Variants in PPM1A observed in about 807,000 individuals in gnomAD.
PPM1A encodes the protein protein phosphatase 1A.
A neutral mutation model predicts 35.0 loss-of-function variants in PPM1A; 7 were observed. That is an observed-to-expected ratio of 0.20 (90% CI 0.11 to 0.38). PPM1A has a LOEUF of 0.38. PPM1A is among the 10% of genes least tolerant of loss of function. PPM1A has a pLI of 1.00. For missense variants in PPM1A, 239 were observed against 467.8 expected (o/e 0.51, Z 4.51); for synonymous variants, 153 against 167.3 (o/e 0.91, Z 0.66).
In PPM1A at chr14:60,257,388, T is replaced by A. The variant is rs542672638; in HGVS notation, c.-21+7711T>A. 2.6e-5 allele frequency among the ~76,000 whole-genome samples: 4 copies of A among 152,320 alleles called. No homozygotes were observed. In the East Asian group the frequency reaches 5.8e-4, roughly 22 times the overall value. On this transcript the variant is annotated intron_variant, in intron 1 of 5. Coordinates refer to ENST00000395076, the MANE Select transcript of PPM1A (RefSeq NM_021003.5). Reference sequence around the variant, plus strand: ...GACTGTTAAATTTTTATAGTCTCCCTGTTCATTTTCTGATGAACACATGAC... The same window carrying A: ...GACTGTTAAATTTTTATAGTCTCCCAGTTCATTTTCTGATGAACACATGAC...
At chr14:60,277,926 C>G (rs531138020) in intron 1 of PPM1A, among the ~76,000 whole-genome samples, 18 of 152,158 alleles carry the variant, frequency 1.2e-4, no homozygotes, top group Admixed American at 5.2e-4. Flanking sequence ...ACCTTGCTCC[C>G]TCATCCTAGT....
In PPM1A at chr14:60,294,025, T is replaced by C. The variant is rs190448443; in HGVS notation, c.*1543T>C. ...TAGGCAGATTCCCACTAGAAAACTG[T>C]TGAAATGTAAGACTAAAATACAACA... On this transcript the variant is annotated 3_prime_UTR_variant, in exon 6 of 6. Transcript: ENST00000395076. The C allele has an allele frequency of 2.6e-4, 40 of 152,022 alleles. No individual in the cohort carries two copies. Among genetic ancestry groups the C allele is most frequent in the African/African-American group, 8.7e-4 (36 of 41,524 alleles). The allele number at this position is 152,022 out of a possible 1,614,324, so 9.4% of individuals were successfully genotyped here.
Position 60,255,711 on chromosome 14 carries a change from C to G in PPM1A, c.-21+6034C>G, listed in dbSNP as rs149463633. Among the ~76,000 whole-genome samples the G allele has an allele frequency of 5.7e-3, 864 of 152,262 alleles. 8 individuals carry two copies. The highest frequency in any genetic ancestry group is 0.02 in the African/African-American group (836 of 41,546). ...TTTATCGTAGCAGACGTTTCTGACT[C>G]TCTTCCTGAATGTTATTTTTTCTGA... is the stretch of plus-strand genomic sequence containing the variant. On this transcript the variant is annotated intron_variant, in intron 1 of 5. Transcript: ENST00000395076.
intron 3 of PPM1A, chr14:60,288,591 GTTT>G: frequency 2.5e-6 from 2 of 799,498 alleles, no homozygotes; most frequent in Non-Finnish European, 3.0e-6. Context: ...ATTTAAGACT[GTTT>G]TTTTTTTTAA....
intron 1 of PPM1A, among the ~76,000 whole-genome samples, chr14:60,258,881 A>T (rs1405690661): frequency 6.6e-6 from 1 of 152,096 alleles, no homozygotes; most frequent in African/African-American, 2.4e-5. Flanking sequence ...CTAAAGTGAG[A>T]GATAATTCAC....
intron 1 of PPM1A, among the ~76,000 whole-genome samples, chr14:60,277,669 C>T (rs751754879): frequency 2.0e-5 from 3 of 151,980 alleles, no homozygotes; most frequent in Non-Finnish European, 4.4e-5. Context: ...GAGTGAGGTC[C>T]CTGCTAGTTG....
At chr14:60,275,385 C>T (rs1729426327) in intron 1 of PPM1A, among the ~76,000 whole-genome samples, 2 of 152,016 alleles carry the variant, frequency 1.3e-5, no homozygotes, top group South Asian at 4.1e-4. Context: ...TGCACCTTCT[C>T]ATTTGTAAAA....
In PPM1A at chr14:60,283,852, C is replaced by T. The variant is rs1048305627; in HGVS notation, c.834+315C>T. ...AAGAAAGAGGGTGGGGAGGGTTAGG[C>T]CTCAGTGTCTATAAATGAAAAGCAT... On this transcript the variant is annotated intron_variant, in intron 2 of 5. Transcript: ENST00000395076. This position sits in a 1 kb window ranked among gnomAD's most constrained non-coding sequence, Gnocchi z 6.3. 6.6e-6 allele frequency among the ~76,000 whole-genome samples: 1 copy of T among 152,114 alleles called. No individual in the cohort carries two copies. Among genetic ancestry groups the T allele is most frequent in the Non-Finnish European group, 1.5e-5 (1 of 68,020 alleles).
intron 1 of PPM1A, among the ~76,000 whole-genome samples, chr14:60,253,361 A>G (rs571459754): frequency 5.3e-5 from 8 of 152,118 alleles, no homozygotes; most frequent in Non-Finnish European, 1.2e-4. Flanking sequence ...TTTTGCCATA[A>G]CCCTCTAAAA....
chr14:60,259,744 T>G (rs1883532891), intron 1 of PPM1A, among the ~76,000 whole-genome samples: 1 of 152,110 alleles, frequency 6.6e-6, no homozygotes, highest in East Asian at 1.9e-4. Context: ...CTTTTTAGTA[T>G]TTTGCTTGTA....
chr14:60,249,830 C>T lies in PPM1A; in HGVS notation c.-21+153C>T, dbSNP rs1375056004. On this transcript the variant is annotated intron_variant, in intron 1 of 5. Coordinates refer to ENST00000395076, the MANE Select transcript of PPM1A (RefSeq NM_021003.5). This position sits in a 1 kb window ranked among gnomAD's most constrained non-coding sequence, Gnocchi z 4.5. Reference sequence around the variant, plus strand: ...GACAACTCCACCCCCTGGCCGGCCTCCTCCCCCGAGCCGGGCGGCGGACGG... The same window carrying T: ...GACAACTCCACCCCCTGGCCGGCCTTCTCCCCCGAGCCGGGCGGCGGACGG... Among the ~76,000 whole-genome samples, 1 of 151,302 alleles carries T rather than the reference C, an allele frequency of 6.6e-6. No individual in the cohort carries two copies. Among genetic ancestry groups the T allele is most frequent in the Non-Finnish European group, 1.5e-5 (1 of 67,716 alleles).
rs1888240470 is a variant in PPM1A, at chr14:60,298,622, T to C, written c.*6140T>C. 1 of 151,828 alleles carries C rather than the reference T, an allele frequency of 6.6e-6. No individual in the cohort carries two copies. The highest frequency in any genetic ancestry group is 1.5e-5 in the Non-Finnish European group (1 of 67,756). 9.4% of individuals were successfully genotyped at this position (151,828 alleles called of 1,614,324 possible). ...TATCTGCAGGAAAATATCTTGTTTG[T>C]AGTGATATGCCCCAATAGTGATTGA... On this transcript the variant is annotated 3_prime_UTR_variant, in exon 6 of 6. Coordinates refer to ENST00000395076, the MANE Select transcript of PPM1A (RefSeq NM_021003.5).
chr14:60,275,577 C>G (rs548436151), intron 1 of PPM1A, among the ~76,000 whole-genome samples: 1 of 152,142 alleles, frequency 6.6e-6, no homozygotes, highest in South Asian at 2.1e-4. Context: ...GCTTCAAATT[C>G]GTGGGCCCAA....
intron 1 of PPM1A, among the ~76,000 whole-genome samples, chr14:60,251,136 T>A (rs1273106977): frequency 6.6e-6 from 1 of 152,276 alleles, no homozygotes; most frequent in Non-Finnish European, 1.5e-5. Context: ...CTTTCAGTCA[T>A]GTAAGGATGA....
intron 1 of PPM1A, chr14:60,268,543 C>A (rs1353325110): frequency 1.7e-5 from 5 of 293,288 alleles, no homozygotes; most frequent in Non-Finnish European, 2.5e-5. Context: ...TATAATTTTA[C>A]GTAATATATT....
chr14:60,295,465 A>AT lies in PPM1A; in HGVS notation c.*2989dup, dbSNP rs1327133685. 2.0e-5 allele frequency: 3 copies of AT among 151,714 alleles called. No individual in the cohort carries two copies. Among genetic ancestry groups the AT allele is most frequent in the Non-Finnish European group, 4.4e-5 (3 of 67,724 alleles). The allele number at this position is 151,714 out of a possible 1,614,324, so 9.4% of individuals were successfully genotyped here. On this transcript the variant is annotated 3_prime_UTR_variant, in exon 6 of 6. Transcript: ENST00000395076. Reference sequence around the variant, plus strand: ...TTAATGCAACTGCTCTAGCCACTTAATTTTTTATACTAATCTCAACATTAA... The same window carrying AT: ...TTAATGCAACTGCTCTAGCCACTTAATTTTTTTATACTAATCTCAACATTAA...
intron 1 of PPM1A, chr14:60,250,421 C>T: frequency 8.1e-6 from 8 of 985,024 alleles, no homozygotes; most frequent in Non-Finnish European, 9.6e-6. Context: ...AGACAGCTGG[C>T]TGTGGAGAGC....
chr14:60,248,025 A>G (rs561341346), upstream of PPM1A, among the ~76,000 whole-genome samples: 90 of 152,304 alleles, frequency 5.9e-4, no homozygotes, highest in African/African-American at 2.0e-3. Context: ...AATGTGGTGT[A>G]GGTCAAATTC....
At chr14:60,275,525 T>TA (rs1405123398) in intron 1 of PPM1A, among the ~76,000 whole-genome samples, 2 of 152,230 alleles carry the variant, frequency 1.3e-5, no homozygotes, top group East Asian at 3.8e-4. Flanking sequence ...CTTACTCTAT[T>TA]GCCCAGGCTG....
Sources: gnomAD v4.1 joint callset for allele counts (sites outside exome capture counted in the v4.1 genomes callset) on GRCh38, gnomAD v4.1.1 for gene constraint, Gnocchi (gnomAD v3.1) non-coding constraint, MANE v1.5 for transcripts, NCBI Gene and HGNC (gene_info 2026-07-23, HGNC 2026-07-21) for gene names.